SLC12A2: variants seen among roughly 807,000 people sequenced by gnomAD.
SLC12A2 encodes Na-K-2Cl cotransporter 1.
A neutral mutation model predicts 136.3 loss-of-function variants in SLC12A2; 67 were observed. The ratio of observed to expected loss-of-function variants is 0.49; its 90% confidence interval spans 0.40 to 0.60. The LOEUF is 0.60. Ranked by LOEUF, SLC12A2 falls within the 20% of genes least tolerant of loss-of-function variation. The pLI, the probability that SLC12A2 is intolerant of heterozygous loss-of-function variation, is 0.00. For synonymous variants in SLC12A2, 619 were observed against 562.9 expected (o/e 1.10, Z -1.41); for missense variants, 1,322 against 1,534.7 (o/e 0.86, Z 2.32).
chr5:128,138,677 G>A lies in SLC12A2; in HGVS notation c.1489G>A (p.Ala497Thr). ...TTCTGTATTTGCCATCTTTTTTCCT[G>A]CTGCAACTGGTATTCTGGCTGGAGC... The part of the protein sequence containing the change: ...FFSVFAIFFP[A>T]ATGILAGANI... The change falls in exon 8 of 27, where the codon GCT becomes ACT. Residue 497 changes from alanine (A) to threonine (T), a missense_variant. This residue lies in a region of SLC12A2 where 294 missense variants were observed against 436.6 expected (regional missense o/e 0.67). Coordinates refer to ENST00000262461, the MANE Select transcript of SLC12A2 (RefSeq NM_001046.3). The A allele has an allele frequency of 6.2e-7, 1 of 1,613,676 alleles. No individual in the cohort carries two copies. Among genetic ancestry groups the A allele is most frequent in the Non-Finnish European group, 8.5e-7 (1 of 1,179,818 alleles).
intron 2 of SLC12A2, 63 bp from the exon 3 acceptor site, chr5:128,114,149 C>A: frequency 8.4e-7 from 1 of 1,190,746 alleles, no homozygotes; most frequent in Non-Finnish European, 1.2e-6. Flanking sequence ...TGGTTTAATG[C>A]TTACTATATA....
intron 5 of SLC12A2, 35 bp downstream of exon 5, chr5:128,131,241 A>G: frequency 6.2e-7 from 1 of 1,606,150 alleles, no homozygotes; most frequent in Non-Finnish European, 8.5e-7. Flanking sequence ...TCGTTTACCA[A>G]ATCTTTATTG....
rs1759978491 is a variant in SLC12A2 at position 128,084,350 on chromosome 5, C to G, written c.396C>G (p.Ser132Arg). 6.3e-7 allele frequency: 1 copy of G among 1,591,156 alleles called. No homozygotes were observed. The highest frequency in any genetic ancestry group is 8.5e-7 in the Non-Finnish European group (1 of 1,172,298). The change falls in exon 1 of 27, where the codon AGC (serine) becomes AGG (arginine). Residue 132 changes from serine to arginine, a missense_variant. This residue lies in a region of SLC12A2 where 358 missense variants were observed against 299.7 expected (regional missense o/e 1.19). Coordinates refer to ENST00000262461, the MANE Select transcript of SLC12A2 (RefSeq NM_001046.3). The surrounding 1 kb of genome is among the most constrained non-coding windows in gnomAD (Gnocchi z 5.6). ...ASGESEPAKG[S>R]EEAKGRFRVN... ...GCGAGAGCGAGCCGGCTAAAGGCAG[C>G]GAGGAAGCCAAGGGCCGCTTCCGCG...
chr5:128,091,031 T>A (rs1760295509), intron 1 of SLC12A2, among the ~76,000 whole-genome samples: 1 of 152,208 alleles, frequency 6.6e-6, no homozygotes, highest in South Asian at 2.1e-4. Context: ...GAGAATATAC[T>A]GTAAGGGGGC....
In SLC12A2 at chr5:128,084,746, C is replaced by CT; in HGVS notation, c.756+37dup. The CT allele has an allele frequency of 2.7e-6, 4 of 1,509,030 alleles. No individual in the cohort carries two copies. The highest frequency in any genetic ancestry group is 2.4e-5 in the East Asian group (1 of 41,010). 93.5% of individuals were successfully genotyped at this position (1,509,030 alleles called of 1,614,324 possible). On this transcript the variant is annotated intron_variant, in intron 1 of 26. Transcript: ENST00000262461. The surrounding 1 kb of genome is among the most constrained non-coding windows in gnomAD (Gnocchi z 5.6). ...CCAGCCCTCCCTTCTTCCCCAGCCC[C>CT]TGGTGCATGCCGACCGCGGGATGTG...
intron 1 of SLC12A2, among the ~76,000 whole-genome samples, chr5:128,105,804 G>T (rs935554168): frequency 6.6e-6 from 1 of 152,148 alleles, no homozygotes; most frequent in Admixed American, 6.6e-5. Context: ...ACTCAGAAAA[G>T]TGTTCTGCTC....
intron 1 of SLC12A2, among the ~76,000 whole-genome samples, chr5:128,112,329 A>G (rs1372728418): frequency 1.3e-5 from 2 of 152,200 alleles, no homozygotes; most frequent in Non-Finnish European, 2.9e-5. Flanking sequence ...CTATGAAGGA[A>G]TCTTGGGATC....
chr5:128,084,129 GA>G lies in SLC12A2; in HGVS notation c.176del (p.Glu59GlyfsTer83). On this transcript the variant is annotated frameshift_variant, in exon 1 of 27. Coordinates refer to ENST00000262461, the MANE Select transcript of SLC12A2 (RefSeq NM_001046.3). LOFTEE classifies it high-confidence loss of function. This position sits in a 1 kb window ranked among gnomAD's most constrained non-coding sequence, Gnocchi z 5.6. ...ASRDGGGVRD[E>X]GPAAAGDGLG... ...CCGGGACGGCGGCGGGGTCCGCGAT[GA>G]GGGCCCCGCGGCGGCCGGGGACGGG... 1.5e-6 allele frequency: 2 copies of G among 1,302,600 alleles called. No individual in the cohort carries two copies. Among genetic ancestry groups the G allele is most frequent in the Non-Finnish European group, 9.7e-7 (1 of 1,030,734 alleles). The allele number at this position is 1,302,600 out of a possible 1,614,324, so 80.7% of individuals were successfully genotyped here. A position where few individuals can be genotyped will look rare whatever the true frequency, so the allele number is the denominator to read the frequency against.
chr5:128,122,441 GACAT>G (rs1374945731), intron 4 of SLC12A2, among the ~76,000 whole-genome samples: 1 of 152,104 alleles, frequency 6.6e-6, no homozygotes, highest in African/African-American at 2.4e-5. Flanking sequence ...CCATGGTGTT[GACAT>G]ACATTATCTT....
chr5:128,133,278 T>C (rs1396263763), intron 5 of SLC12A2, among the ~76,000 whole-genome samples: 9 of 152,114 alleles, frequency 5.9e-5, no homozygotes, highest in Non-Finnish European at 1.2e-4. Flanking sequence ...TGATTAAATA[T>C]TAACACTTTC....
chr5:128,097,564 G>A (rs936117849), intron 1 of SLC12A2, among the ~76,000 whole-genome samples: 4 of 151,674 alleles, frequency 2.6e-5, no homozygotes, highest in Non-Finnish European at 5.9e-5. Context: ...AGATTTTTTA[G>A]CATTTAATTT....
In SLC12A2 at chr5:128,186,670, C is replaced by A; in HGVS notation, c.*39C>A. On this transcript the variant is annotated 3_prime_UTR_variant, in exon 27 of 27. Transcript: ENST00000262461. ...TGGACAGCCCTCCAGAATGGTACTT[C>A]AGTGCCTAGTGTAGTAACTGAAATC... 6.2e-7 allele frequency: 1 copy of A among 1,603,002 alleles called. No individual in the cohort carries two copies. The highest frequency in any genetic ancestry group is 8.5e-7 in the Non-Finnish European group (1 of 1,171,194).
At position 128,084,005 on chromosome 5, in the gene SLC12A2, G is replaced by C; in HGVS notation, c.51G>C (p.Gly17=). 2 of 1,254,010 alleles carry C rather than the reference G, an allele frequency of 1.6e-6. No individual in the cohort carries two copies. Among genetic ancestry groups the C allele is most frequent in the Non-Finnish European group, 2.0e-6 (2 of 1,001,870 alleles). The allele number at this position is 1,254,010 out of a possible 1,614,324, so 77.7% of individuals were successfully genotyped here. A position where few individuals can be genotyped will look rare whatever the true frequency, so the allele number is the denominator to read the frequency against. ...CCTCCGGCGCCCCGGGACTGGCCGG[G>C]GTCGGGGAGACGCCGTCAGCCGCTG... ...APSSGAPGLA[G]VGETPSAAAL... Residue 17 remains glycine, a synonymous_variant, in exon 1 of 27, where the codon GGG becomes GGC. Transcript: ENST00000262461. This position sits in a 1 kb window ranked among gnomAD's most constrained non-coding sequence, Gnocchi z 5.6.
chr5:128,171,941 G>T, intron 19 of SLC12A2, 195 bp downstream of exon 19: 1 of 424,742 alleles, frequency 2.4e-6, no homozygotes. Context: ...CCTGGATGAT[G>T]GTTAGTGATT....
chr5:128,112,546 A>T (rs1381360391), intron 1 of SLC12A2, among the ~76,000 whole-genome samples: 1 of 152,160 alleles, frequency 6.6e-6, no homozygotes, highest in Non-Finnish European at 1.5e-5. Flanking sequence ...TCCAGACACT[A>T]CCAAAAGTGT....
intron 15 of SLC12A2, 142 bp downstream of exon 15, chr5:128,152,947 A>G: frequency 1.7e-6 from 1 of 598,110 alleles, no homozygotes; most frequent in Non-Finnish European, 3.0e-6. Flanking sequence ...AATTGTACAA[A>G]GAAAAATTAA....
intron 4 of SLC12A2, among the ~76,000 whole-genome samples, chr5:128,126,913 T>G (rs966690631): frequency 1.7e-4 from 24 of 141,510 alleles, no homozygotes; most frequent in African/African-American, 6.5e-4. Context: ...ATGTTTTTTT[T>G]CTTCCCTTAT....
chr5:128,176,660 AAAC>A (rs1046343391), intron 20 of SLC12A2, among the ~76,000 whole-genome samples: 38 of 152,090 alleles, frequency 2.5e-4, no homozygotes, highest in Admixed American at 7.9e-4. Context: ...AATTTTTTAC[AAAC>A]AACAAATATC....
chr5:128,184,828 C>T lies in SLC12A2; in HGVS notation c.3475C>T (p.His1159Tyr), dbSNP rs773204251. The T allele has an allele frequency of 4.4e-6, 7 of 1,605,136 alleles. No homozygotes were observed. In the African/African-American group the frequency reaches 8.0e-5, roughly 18 times the overall value. The change falls in exon 26 of 27, where the codon CAT becomes TAT. Residue 1159 changes from histidine to tyrosine, a missense_variant. Around this residue, in one of 8 missense-constraint regions of SLC12A2, gnomAD observed 172 missense variants for 227.4 expected, o/e 0.76. Transcript: ENST00000262461. The part of the protein sequence containing the change: ...QIRLNELLKE[H>Y]SSTANIIVMS... ...CAGGTTAAATGAGTTATTAAAGGAA[C>T]ATTCAAGCACAGCTAATATTATTGT... is the stretch of plus-strand genomic sequence containing the variant.
Sources: gnomAD v4.1 joint callset for allele counts (sites outside exome capture counted in the v4.1 genomes callset) on GRCh38, gnomAD v4.1.1 for gene constraint, gnomAD v4.1.1 regional missense constraint, Gnocchi (gnomAD v3.1) non-coding constraint, MANE v1.5 for transcripts, NCBI Gene and HGNC (gene_info 2026-07-23, HGNC 2026-07-21) for gene names.